The following CDH9 variants were observed in gnomAD, a reference collection of about 807,000 sequenced individuals.
CDH9 encodes cadherin-9.
In CDH9, 28 loss-of-function variants were observed where a neutral mutation model predicts 70.9. That is an observed-to-expected ratio of 0.40 (90% CI 0.29 to 0.54). The LOEUF (loss-of-function observed/expected upper bound fraction) is 0.54. CDH9 is among the 20% of genes least tolerant of loss of function. The pLI is 0.59. For synonymous variants in CDH9, 409 were observed against 343.1 expected (o/e 1.19, Z -2.12); for missense variants, 874 against 984.4 (o/e 0.89, Z 1.50).
Position 27,008,406 on chromosome 5 carries a change from C to T in CDH9, c.-49-20024G>A, listed in dbSNP as rs147066325. ...TTGAGAGGCTAAGTCATGATAATCA[C>T]TTGAACAGGTGAGGCACTGATTACA... On this transcript the variant is annotated intron_variant, in intron 1 of 11. Transcript: ENST00000231021. Among the ~76,000 whole-genome samples, 477 of 151,992 alleles carry T rather than the reference C, an allele frequency of 3.1e-3. 4 individuals carry two copies. The highest frequency in any genetic ancestry group is 0.011 in the African/African-American group (446 of 41,456).
In CDH9 at chr5:26,958,582, G is replaced by A. The variant is rs1234513166; in HGVS notation, c.228+29524C>T. Among the ~76,000 whole-genome samples, 8 of 152,166 alleles carry A rather than the reference G, an allele frequency of 5.3e-5. No homozygotes were observed. In the South Asian group the frequency reaches 8.3e-4, roughly 16 times the overall value. On this transcript the variant is annotated intron_variant, in intron 2 of 11. Coordinates refer to ENST00000231021, the MANE Select transcript of CDH9 (RefSeq NM_016279.4). ...AAAAAATTATCATGATATATTTGAC[G>A]AAAACTGGCGACCTGTGAATAATTT...
At chr5:26,899,051 C>A (rs1740804025) in intron 7 of CDH9, among the ~76,000 whole-genome samples, 1 of 151,996 alleles carries the variant, frequency 6.6e-6, no homozygotes, top group African/African-American at 2.4e-5. Flanking sequence ...ATTTATGCGG[C>A]CAACAAACAT....
intron 2 of CDH9, among the ~76,000 whole-genome samples, chr5:26,954,709 G>A (rs372733560): frequency 5.3e-5 from 8 of 150,712 alleles, no homozygotes; most frequent in Non-Finnish European, 1.0e-4. Flanking sequence ...TTTTATTCTT[G>A]AAAAAAAACA....
chr5:26,915,554 T>C (rs1423495973), intron 3 of CDH9, 76 bp downstream of exon 3: 2 of 854,126 alleles, frequency 2.3e-6, no homozygotes, highest in Non-Finnish European at 1.9e-6. Flanking sequence ...CCACATATCA[T>C]AACCACAAGT....
At chr5:26,926,924 C>CCCT (rs745936783) in intron 2 of CDH9, among the ~76,000 whole-genome samples, 2,615 of 147,760 alleles carry the variant, frequency 0.018, 73 homozygotes, top group Middle Eastern at 0.036. Flanking sequence ...ACAGCCCCCC[C>CCCT]CCGCAAAAAA....
chr5:26,962,434 G>T (rs149896299), intron 2 of CDH9, among the ~76,000 whole-genome samples: 1 of 152,060 alleles, frequency 6.6e-6, no homozygotes, highest in Non-Finnish European at 1.5e-5. Flanking sequence ...TTACACTCGC[G>T]CCAACAGTGT....
intron 1 of CDH9, 150 bp from the exon 2 acceptor site, chr5:26,988,532 A>T: frequency 1.8e-6 from 1 of 570,912 alleles, no homozygotes; most frequent in Non-Finnish European, 2.6e-6. Flanking sequence ...CGGTCATGAA[A>T]AACTCATTTA....
At chr5:26,937,832 A>G (rs1741586396) in intron 2 of CDH9, among the ~76,000 whole-genome samples, 1 of 152,028 alleles carries the variant, frequency 6.6e-6, no homozygotes, top group Non-Finnish European at 1.5e-5. Context: ...TTAGGGAGAG[A>G]GGAATAGATG....
intron 1 of CDH9, among the ~76,000 whole-genome samples, chr5:27,035,284 C>T (rs1579526078): frequency 6.6e-6 from 1 of 151,126 alleles, no homozygotes; most frequent in Non-Finnish European, 1.5e-5. Flanking sequence ...TAAAACTCCT[C>T]TTCTAAAGTT....
intron 11 of CDH9, 60 bp from the exon 12 acceptor site, chr5:26,881,683 C>T: frequency 6.9e-7 from 1 of 1,459,078 alleles, no homozygotes; most frequent in Admixed American, 2.2e-5. Flanking sequence ...ATAGAGTACA[C>T]TTCTGAGTGT....
In CDH9 at chr5:26,970,142, T is replaced by C. The variant is rs547575651; in HGVS notation, c.228+17964A>G. ...AATTAAGTTAAATATAGTTATTAAA[T>C]TAATAAAGTTAATGAATATAATTAA... On this transcript the variant is annotated intron_variant, in intron 2 of 11. Transcript: ENST00000231021. Among the ~76,000 whole-genome samples, 5 of 151,496 alleles carry C rather than the reference T, an allele frequency of 3.3e-5. No homozygotes were observed. In the South Asian group the frequency reaches 6.2e-4, roughly 19 times the overall value.
intron 1 of CDH9, among the ~76,000 whole-genome samples, chr5:27,029,119 G>A (rs1278662866): frequency 6.6e-6 from 1 of 151,824 alleles, no homozygotes; most frequent in Non-Finnish European, 1.5e-5. Flanking sequence ...ACAAATCATG[G>A]AAACTTTTTT....
chr5:26,953,399 G>A (rs1441489008), intron 2 of CDH9, among the ~76,000 whole-genome samples: 2 of 152,050 alleles, frequency 1.3e-5, no homozygotes, highest in Non-Finnish European at 2.9e-5. Flanking sequence ...CATAGATATT[G>A]CTTTAGTGAA....
At chr5:26,999,156 A>T (rs1413287810) in intron 1 of CDH9, among the ~76,000 whole-genome samples, 1 of 152,054 alleles carries the variant, frequency 6.6e-6, no homozygotes, top group Non-Finnish European at 1.5e-5. Context: ...GAGGCAGGGG[A>T]ATCACTTGAA....
chr5:26,936,188 G>A lies in CDH9; in HGVS notation c.229-20264C>T, dbSNP rs147848768. ...TGGGTACACCAAAATCTCAGAAATC[G>A]CCACTAAAGAACTTATGCTTGTAGC... On this transcript the variant is annotated intron_variant, in intron 2 of 11. Transcript: ENST00000231021. Among the ~76,000 whole-genome samples the A allele has an allele frequency of 6.1e-4, 92 of 151,998 alleles. 1 individual carries two copies. In the East Asian group the frequency reaches 0.014, roughly 23 times the overall value.
At chr5:27,029,719 A>T (rs1317090432) in intron 1 of CDH9, among the ~76,000 whole-genome samples, 2 of 152,000 alleles carry the variant, frequency 1.3e-5, no homozygotes, top group African/African-American at 4.8e-5. Flanking sequence ...CTTTTTCCTG[A>T]TTACGAGTCT....
intron 2 of CDH9, among the ~76,000 whole-genome samples, 168 bp from the exon 3 acceptor site, chr5:26,916,092 A>G (rs1422311890): frequency 2.0e-5 from 3 of 151,960 alleles, no homozygotes; most frequent in Non-Finnish European, 4.4e-5. Context: ...AGTTCTTATT[A>G]CACTCAAAAT....
At chr5:27,014,526 T>C (rs1389215934) in intron 1 of CDH9, among the ~76,000 whole-genome samples, 1 of 151,898 alleles carries the variant, frequency 6.6e-6, no homozygotes, top group Non-Finnish European at 1.5e-5. Flanking sequence ...CAGTATAAGT[T>C]TGGAAAACTA....
At chr5:26,918,747 T>A (rs1741192193) in intron 2 of CDH9, among the ~76,000 whole-genome samples, 1 of 152,196 alleles carries the variant, frequency 6.6e-6, no homozygotes, top group Admixed American at 6.5e-5. Flanking sequence ...TTCTCCTGCC[T>A]TTGGACTCAG....
Sources: allele counts gnomAD v4.1 joint callset (sites outside exome capture counted in the v4.1 genomes callset), GRCh38; gene constraint gnomAD v4.1.1; transcripts MANE v1.5; gene names NCBI Gene and HGNC (gene_info 2026-07-23, HGNC 2026-07-21).